The following ANG variants were observed in gnomAD, a reference collection of about 807,000 sequenced individuals.
ANG encodes angiogenin, also known as Homo sapiens epididymis luminal protein 168.
For missense variants in ANG, 178 were observed against 187.4 expected, an observed-to-expected ratio of 0.95 and a Z score of 0.29; for synonymous variants, 74 against 73.8, an observed-to-expected ratio of 1.00 and a Z score of -0.02.
At chr14:20,690,221 C>CAAAAAAAAAAAAAAA (rs36091065) in intron 1 of ANG, among the ~76,000 whole-genome samples, 1 of 67,980 alleles carries the variant, frequency 1.5e-5, no homozygotes, top group Non-Finnish European at 2.5e-5. Context: ...GACTCCGTCT[C>CAAAAAAAAAAAAAAA]AAAAAAAAAA....
At chr14:20,688,003 C>A (rs568359456), upstream of ANG, among the ~76,000 whole-genome samples, 1 of 152,342 alleles carries the variant, frequency 6.6e-6, no homozygotes, top group Admixed American at 6.5e-5. Context: ...ATAAGGTGAT[C>A]CTGGTGACCT....
upstream of ANG, among the ~76,000 whole-genome samples, chr14:20,686,913 A>G (rs1004711177): frequency 2.0e-5 from 3 of 152,236 alleles, no homozygotes; most frequent in African/African-American, 7.2e-5. Context: ...GAAGGAGGAA[A>G]GTGCTCTAAC....
chr14:20,693,543 G>T lies in ANG; in HGVS notation c.-18-4G>T, dbSNP rs373669465. ...TCTACCACACCTCCTTTTGCCCTCCGCAGGAGCCTGTGTTGGAAGAGATGG... is the reference window on the plus strand; with the variant it reads ...TCTACCACACCTCCTTTTGCCCTCCTCAGGAGCCTGTGTTGGAAGAGATGG... On this transcript the variant is annotated splice_region_variant and splice_polypyrimidine_tract_variant and intron_variant, in intron 1 of 1. Coordinates refer to ENST00000397990, the MANE Select transcript of ANG (RefSeq NM_001097577.3). The T allele has an allele frequency of 1.1e-5, 18 of 1,610,306 alleles. No homozygotes were observed. The African/African-American group carries it at 1.9e-4, about 17-fold the overall frequency.
At chr14:20,689,261 A>C (rs1242582946) in intron 1 of ANG, among the ~76,000 whole-genome samples, 2 of 152,234 alleles carry the variant, frequency 1.3e-5, no homozygotes, top group Non-Finnish European at 2.9e-5. Flanking sequence ...CTTCCCTGCT[A>C]ATTTCTCTTC....
rs779836840 is a variant in ANG at position 20,693,955 on chromosome 14, T to C, written c.391T>C (p.Cys131Arg). ...GGGGTTCAGAAACGTTGTTGTTGCTTGTGAAAATGGCTTACCTGTCCACTT... is the reference window on the plus strand; with the variant it reads ...GGGGTTCAGAAACGTTGTTGTTGCTCGTGAAAATGGCTTACCTGTCCACTT... ...TAGFRNVVVA[C>R]ENGLPVHLDQ... The change falls in exon 2 of 2, where the codon TGT (cysteine) becomes CGT (arginine). Residue 131 changes from cysteine to arginine, a missense_variant. By Grantham distance (180) the Cys-to-Arg change is radical. Transcript: ENST00000397990. The C allele has an allele frequency of 3.1e-6, 5 of 1,613,988 alleles. No individual in the cohort carries two copies. In the South Asian group the frequency reaches 3.3e-5, roughly 11 times the overall value.
At chr14:20,684,763 G>A (rs1886344044), upstream of ANG, 1 of 153,418 alleles carries the variant, frequency 6.5e-6, no homozygotes. Context: ...GCCGAGGTAG[G>A]TTCACACTCC....
chr14:20,688,752 T>C (rs542551453), upstream of ANG: 8 of 985,350 alleles, frequency 8.1e-6, no homozygotes, highest in Non-Finnish European at 9.6e-6. Context: ...GAACACTATA[T>C]AATCAGAACC....
chr14:20,694,101 G>A lies in ANG; in HGVS notation c.*93G>A. The A allele has an allele frequency of 7.0e-7, 1 of 1,437,712 alleles. No individual in the cohort carries two copies. Among genetic ancestry groups the A allele is most frequent in the South Asian group, 1.2e-5 (1 of 86,904 alleles). 89.1% of individuals were successfully genotyped at this position (1,437,712 alleles called of 1,614,324 possible). ...CAGTGGTGGCAACATTCATTGCCAAGGGCCCAAAGAAAGAGCTACCTGGAC... is the reference window on the plus strand; with the variant it reads ...CAGTGGTGGCAACATTCATTGCCAAAGGCCCAAAGAAAGAGCTACCTGGAC... On this transcript the variant is annotated 3_prime_UTR_variant, in exon 2 of 2. Coordinates refer to ENST00000397990, the MANE Select transcript of ANG (RefSeq NM_001097577.3).
chr14:20,690,742 C>CA (rs1886702152), intron 1 of ANG, among the ~76,000 whole-genome samples: 1 of 152,090 alleles, frequency 6.6e-6, no homozygotes, highest in Non-Finnish European at 1.5e-5. Context: ...TCTTGATGAA[C>CA]AAACCTAGGC....
At chr14:20,692,899 G>C (rs990319603) in intron 1 of ANG, among the ~76,000 whole-genome samples, 1 of 152,000 alleles carries the variant, frequency 6.6e-6, no homozygotes, top group Non-Finnish European at 1.5e-5. Context: ...CAAGGCTGGA[G>C]TGCAGTGGCG....
chr14:20,686,336 GA>G (rs1201106210), upstream of ANG, among the ~76,000 whole-genome samples: 1 of 152,106 alleles, frequency 6.6e-6, no homozygotes, highest in African/African-American at 2.4e-5. Flanking sequence ...AGCTATTGTT[GA>G]AAACAGATAA....
chr14:20,693,055 G>A lies in ANG; in HGVS notation c.-18-492G>A, dbSNP rs1195309618. 5.9e-5 allele frequency among the ~76,000 whole-genome samples: 9 copies of A among 151,808 alleles called. No homozygotes were observed. The East Asian group carries it at 1.7e-3, about 29-fold the overall frequency. ...GTAGAGACGGGGTTTCACCGTGGTA[G>A]CCAGGATGGTCTCGATCTCCTGACC... On this transcript the variant is annotated intron_variant, in intron 1 of 1. Transcript: ENST00000397990.
Position 20,694,070 on chromosome 14 carries a change from C to T in ANG, c.*62C>T. The T allele has an allele frequency of 6.3e-7, 1 of 1,586,594 alleles. No individual in the cohort carries two copies. ...CTTGCCTTCCATTTCCCCTCTGCACCCAGAACAGTGGTGGCAACATTCATT... is the reference window on the plus strand; with the variant it reads ...CTTGCCTTCCATTTCCCCTCTGCACTCAGAACAGTGGTGGCAACATTCATT... On this transcript the variant is annotated 3_prime_UTR_variant, in exon 2 of 2. Coordinates refer to ENST00000397990, the MANE Select transcript of ANG (RefSeq NM_001097577.3).
chr14:20,686,409 T>C (rs540014839), upstream of ANG, among the ~76,000 whole-genome samples: 19 of 152,362 alleles, frequency 1.2e-4, no homozygotes, highest in Admixed American at 3.9e-4. Flanking sequence ...CATTGGTCAC[T>C]GTGACTCAAA....
chr14:20,685,810 G>A (rs544442461), upstream of ANG, among the ~76,000 whole-genome samples: 2 of 152,168 alleles, frequency 1.3e-5, no homozygotes, highest in Non-Finnish European at 2.9e-5. Context: ...GGGAGGCCGA[G>A]GTGGGTGCAT....
chr14:20,693,068 C>G (rs7144863), intron 1 of ANG, among the ~76,000 whole-genome samples: 1 of 151,076 alleles, frequency 6.6e-6, no homozygotes, highest in Non-Finnish European at 1.5e-5. Flanking sequence ...AGGATGGTCT[C>G]GATCTCCTGA....
chr14:20,692,050 C>G (rs966956548), intron 1 of ANG, among the ~76,000 whole-genome samples: 1 of 152,038 alleles, frequency 6.6e-6, no homozygotes, highest in Admixed American at 6.6e-5. Context: ...CTATTTGATA[C>G]GAAAATGTTC....
At chr14:20,692,455 G>C (rs553125029) in intron 1 of ANG, among the ~76,000 whole-genome samples, 1 of 152,268 alleles carries the variant, frequency 6.6e-6, no homozygotes, top group Non-Finnish European at 1.5e-5. Flanking sequence ...CCCTAGAACA[G>C]AGGTCCCCAA....
At chr14:20,690,329 G>A (rs1200561912) in intron 1 of ANG, among the ~76,000 whole-genome samples, 1 of 152,014 alleles carries the variant, frequency 6.6e-6, no homozygotes, top group Non-Finnish European at 1.5e-5. Context: ...ACGTGTTTGG[G>A]TACAGAAGGA....
Sources: gnomAD v4.1 joint callset for allele counts (sites outside exome capture counted in the v4.1 genomes callset) on GRCh38, gnomAD v4.1.1 for gene constraint, MANE v1.5 for transcripts, NCBI Gene and HGNC (gene_info 2026-07-23, HGNC 2026-07-21) for gene names.